The following ODAM variants were observed in gnomAD, a reference collection of about 807,000 sequenced individuals.
ODAM encodes the protein odontogenic, ameloblast associated.
In ODAM, 55 loss-of-function variants were observed where a neutral mutation model predicts 48.5. That is an observed-to-expected ratio of 1.13 (90% confidence interval 0.91 to 1.42). The LOEUF (loss-of-function observed/expected upper bound fraction) is 1.42, where lower values mean the gene tolerates loss of function less well. ODAM is among the 40% of genes most tolerant of loss of function. ODAM has a pLI of 0.00. For missense variants in ODAM, 353 were observed against 323.6 expected (o/e 1.09, Z -0.70); for synonymous variants, 127 against 107.8 (o/e 1.18, Z -1.10).
chr4:70,197,432 T>C (rs1488609334), intron 4 of ODAM, 111 bp downstream of exon 4: 3 of 745,638 alleles, frequency 4.0e-6, no homozygotes, highest in African/African-American at 3.6e-5. Flanking sequence ...ATCTCAGTTT[T>C]TAACATTATG....
Position 70,201,503 on chromosome 4 carries a change from TA to T in ODAM, c.576+4del. 1 of 1,454,494 alleles carries T rather than the reference TA, an allele frequency of 6.9e-7. No individual in the cohort carries two copies. Among genetic ancestry groups the T allele is most frequent in the Non-Finnish European group, 9.6e-7 (1 of 1,039,142 alleles). 90.1% of individuals were successfully genotyped at this position (1,454,494 alleles called of 1,614,324 possible). ...TACATTCCACAACTAGCAGAACCTG[TA>T]AGTAAATGCATATTTTTCATTAAAA... On this transcript the variant is annotated splice_donor_region_variant and intron_variant, in intron 8 of 11. Transcript: ENST00000683306.
Position 70,201,505 on chromosome 4 carries a change from A to C in ODAM, c.576+4A>C, listed in dbSNP as rs367848872. On this transcript the variant is annotated splice_donor_region_variant and intron_variant, in intron 8 of 11. Transcript: ENST00000683306. Reference sequence around the variant, plus strand: ...CATTCCACAACTAGCAGAACCTGTAAGTAAATGCATATTTTTCATTAAAAA... The same window carrying C: ...CATTCCACAACTAGCAGAACCTGTACGTAAATGCATATTTTTCATTAAAAA... 5.3e-5 allele frequency: 77 copies of C among 1,445,672 alleles called. No homozygotes were observed. In the African/African-American group the frequency reaches 9.8e-4, roughly 18 times the overall value. The allele number at this position is 1,445,672 out of a possible 1,614,324, so 89.6% of individuals were successfully genotyped here. A position where few individuals can be genotyped will look rare whatever the true frequency, so the allele number is the denominator to read the frequency against.
At chr4:70,198,224 T>A in intron 5 of ODAM, 67 bp downstream of exon 5, 1 of 1,323,330 alleles carries the variant, frequency 7.6e-7, no homozygotes, top group African/African-American at 1.5e-5. Flanking sequence ...ACAATGAATA[T>A]GAATCAGCTT....
intron 5 of ODAM, 70 bp from the exon 6 acceptor site, chr4:70,198,508 GA>G: frequency 8.3e-7 from 1 of 1,208,482 alleles, no homozygotes; most frequent in Non-Finnish European, 1.2e-6. Flanking sequence ...CTAGCTCTAG[GA>G]AAAGCAGCTC....
chr4:70,197,757 C>G (rs893478240), intron 4 of ODAM, 167 bp from the exon 5 acceptor site: 1 of 622,336 alleles, frequency 1.6e-6, no homozygotes, highest in Non-Finnish European at 2.8e-6. Flanking sequence ...GCATTTGCTT[C>G]GTATTATTTG....
chr4:70,198,648 GC>G, intron 6 of ODAM, 22 bp downstream of exon 6: 1 of 1,590,318 alleles, frequency 6.3e-7, no homozygotes, highest in Non-Finnish European at 8.6e-7. Flanking sequence ...TAACAACACT[GC>G]CCATAGAGAT....
At chr4:70,201,614 A>G (rs1729495929) in intron 8 of ODAM, 113 bp downstream of exon 8, 1 of 663,442 alleles carries the variant, frequency 1.5e-6, no homozygotes, top group Non-Finnish European at 2.7e-6. Flanking sequence ...CCTCTAATTG[A>G]ACAAAATTGT....
At position 70,202,879 on chromosome 4, in the gene ODAM, G is replaced by A; in HGVS notation, c.772G>A (p.Val258Ile). The change falls in exon 10 of 12, where the codon GTA (valine) becomes ATA (isoleucine). Residue 258 changes from valine (V) to isoleucine (I), a missense_variant. Val to Ile is a conservative substitution (Grantham distance 29, BLOSUM62 3). Coordinates refer to ENST00000683306, the MANE Select transcript of ODAM (RefSeq NM_017855.4). Reference sequence around the variant, plus strand: ...CACAACCAATGTTTTCACTTCTGCTGTAGACCAAACTATTACCCCAGAGCT... The same window carrying A: ...CACAACCAATGTTTTCACTTCTGCTATAGACCAAACTATTACCCCAGAGCT... The part of the protein sequence containing the change: ...PSTTNVFTSA[V>I]DQTITPELPE... The A allele has an allele frequency of 6.2e-7, 1 of 1,612,246 alleles. No homozygotes were observed. Among genetic ancestry groups the A allele is most frequent in the Non-Finnish European group, 8.5e-7 (1 of 1,178,958 alleles).
At chr4:70,197,242 A>G (rs762712281) in intron 3 of ODAM, 32 bp from the exon 4 acceptor site, 5 of 1,003,610 alleles carry the variant, frequency 5.0e-6, no homozygotes, top group Non-Finnish European at 6.4e-6. Flanking sequence ...GTGTGTAGTA[A>G]TCTTGATTTC....
chr4:70,203,368 T>C (rs542560554), intron 11 of ODAM, among the ~76,000 whole-genome samples, 154 bp downstream of exon 11: 1 of 152,076 alleles, frequency 6.6e-6, no homozygotes, highest in African/African-American at 2.4e-5. Flanking sequence ...ATAATAATTA[T>C]GGACTTCAAC....
At chr4:70,195,867 T>TTTAGGGTGAACTTGATAG in intron 1 of ODAM, 74 bp downstream of exon 1, 1 of 534,860 alleles carries the variant, frequency 1.9e-6, no homozygotes, top group Non-Finnish European at 2.4e-6. Context: ...GACTATCAAG[T>TTTAGGGTGAACTTGATAG]TCACCCTAAA....
At chr4:70,202,547 T>C (rs1266833819) in intron 9 of ODAM, among the ~76,000 whole-genome samples, 1 of 151,966 alleles carries the variant, frequency 6.6e-6, no homozygotes, top group Non-Finnish European at 1.5e-5. Flanking sequence ...GATGCACCTT[T>C]ATTTAAAAGC....
chr4:70,196,579 C>G lies in ODAM; in HGVS notation c.36C>G (p.Ala12=). The change falls in exon 2 of 12, where the codon GCC becomes GCG. Residue 12 remains alanine (A), a synonymous_variant. Coordinates refer to ENST00000683306, the MANE Select transcript of ODAM (RefSeq NM_017855.4). ...TAATTCTTCTTGGATTCCTGGGAGC[C>G]ACATTGTCAGCCCCAGTAAGTGATT... is the stretch of plus-strand genomic sequence containing the variant. ...KIIILLGFLG[A]TLSAPLIPQR... 1.3e-6 allele frequency: 2 copies of G among 1,597,154 alleles called. No homozygotes were observed. Among genetic ancestry groups the G allele is most frequent in the Non-Finnish European group, 1.7e-6 (2 of 1,167,740 alleles).
chr4:70,202,653 TAA>T, intron 9 of ODAM, 101 bp from the exon 10 acceptor site: 1 of 811,134 alleles, frequency 1.2e-6, no homozygotes, highest in Non-Finnish European at 1.9e-6. Flanking sequence ...TTTTTTAATA[TAA>T]TGCTTTTGTT....
chr4:70,201,421 A>C, intron 7 of ODAM, 33 bp from the exon 8 acceptor site: 1 of 1,110,920 alleles, frequency 9.0e-7, no homozygotes, highest in Non-Finnish European at 1.3e-6. Flanking sequence ...ATAATCACAG[A>C]AAATATAATA....
Position 70,203,220 on chromosome 4 carries a change from T to C in ODAM, c.*29+6T>C. ...CTGATCATTCAGACATTTTGGTAGG[T>C]ATTTGCCAAAGTCAAGAATTAGGTG... On this transcript the variant is annotated splice_donor_region_variant and intron_variant, in intron 11 of 11. Transcript: ENST00000683306. 2 of 1,551,920 alleles carry C rather than the reference T, an allele frequency of 1.3e-6. No homozygotes were observed. The highest frequency in any genetic ancestry group is 1.8e-6 in the Non-Finnish European group (2 of 1,126,092).
Position 70,203,165 on chromosome 4 carries a change from G to A in ODAM, c.820G>A (p.Asp274Asn). 1.2e-6 allele frequency: 2 copies of A among 1,601,344 alleles called. No homozygotes were observed. The highest frequency in any genetic ancestry group is 1.7e-6 in the Non-Finnish European group (2 of 1,169,592). Residue 274 changes from aspartate to asparagine, a missense_variant, in exon 11 of 12, where the codon GAC becomes AAC. Asp to Asn is a conservative substitution (Grantham distance 23). Coordinates refer to ENST00000683306, the MANE Select transcript of ODAM (RefSeq NM_017855.4). ...PELPEEKDKTDSLREP is the reference protein window; with the variant it reads ...PELPEEKDKTNSLREP ...GTCCTTTTCTCACTAGGACAAGACT[G>A]ACAGCCTAAGGGAACCATAAGAAGT...
intron 5 of ODAM, 144 bp downstream of exon 5, chr4:70,198,301 C>A: frequency 4.0e-6 from 3 of 744,006 alleles, no homozygotes; most frequent in Non-Finnish European, 6.3e-6. Flanking sequence ...GCTGTAAGTT[C>A]TTTCTTTTAT....
Position 70,203,188 on chromosome 4 carries a change from A to G in ODAM, c.*3A>G. The G allele has an allele frequency of 6.3e-7, 1 of 1,599,924 alleles. No homozygotes were observed. Among genetic ancestry groups the G allele is most frequent in the Non-Finnish European group, 8.6e-7 (1 of 1,168,444 alleles). ...CTGACAGCCTAAGGGAACCATAAGA[A>G]GTTGCCCTGATCATTCAGACATTTT... On this transcript the variant is annotated 3_prime_UTR_variant, in exon 11 of 12. Transcript: ENST00000683306.
Sources: gnomAD v4.1 joint callset for allele counts (sites outside exome capture counted in the v4.1 genomes callset) on GRCh38, gnomAD v4.1.1 for gene constraint, MANE v1.5 for transcripts, NCBI Gene and HGNC (gene_info 2026-07-23, HGNC 2026-07-21) for gene names.